Variants in SHPK observed in about 807,000 individuals in gnomAD.
The protein encoded by SHPK is sedoheptulokinase.
SHPK carries 51 observed loss-of-function variants against 46.3 expected under a neutral mutation model. The observed-to-expected ratio is 1.10, with a 90% CI of 0.88 to 1.39. SHPK has a LOEUF of 1.39. Among genes scored for constraint, SHPK ranks in the 40% most tolerant of loss-of-function variants. The pLI is 0.00. For missense variants in SHPK, 668 were observed against 641.3 expected (o/e 1.04, Z -0.45); for synonymous variants, 290 against 273.9 (o/e 1.06, Z -0.58).
At chr17:3,632,146 G>A (rs557300351) in intron 1 of SHPK, among the ~76,000 whole-genome samples, 3 of 151,920 alleles carry the variant, frequency 2.0e-5, no homozygotes, top group African/African-American at 4.8e-5. Flanking sequence ...TAGTAGAGAC[G>A]GGGTTTCACC....
chr17:3,624,834 C>T (rs2075423884), intron 2 of SHPK, among the ~76,000 whole-genome samples: 1 of 151,894 alleles, frequency 6.6e-6, no homozygotes, highest in Non-Finnish European at 1.5e-5. Context: ...TTTGGACTTT[C>T]AGTAGAGACA....
chr17:3,610,877 C>T lies in SHPK; in HGVS notation c.1120G>A (p.Gly374Arg). ...THLTITPTVL[G>R]ERHLPDQLAS... ...AGCTGGTCCGGCAGGTGCCTCTCCC[C>T]CAGCACTGTCGGGGTGATGGTCAGG... Residue 374 changes from glycine (G) to arginine (R), a missense_variant, in exon 7 of 7, where the codon GGG (glycine) becomes AGG (arginine). Gly to Arg is a moderately radical substitution (Grantham distance 125, BLOSUM62 -2). Transcript: ENST00000225519. The T allele has an allele frequency of 6.2e-7, 1 of 1,613,976 alleles. No individual in the cohort carries two copies. The highest frequency in any genetic ancestry group is 8.5e-7 in the Non-Finnish European group (1 of 1,180,004).
chr17:3,621,342 T>C lies in SHPK; in HGVS notation c.718A>G (p.Thr240Ala). ...IAEPGSVAGR[T>A]SHMWFEIPKG... ...GGGATTTCAAACCACATGTGGGAAG[T>C]TCTGCCCGCCACACTGCCAGGCTCG... Residue 240 changes from threonine to alanine, a missense_variant, in exon 5 of 7, where the codon ACT becomes GCT. Thr to Ala is a moderately conservative substitution (Grantham distance 58, BLOSUM62 0). Transcript: ENST00000225519. 1 of 1,614,128 alleles carries C rather than the reference T, an allele frequency of 6.2e-7. No homozygotes were observed. The highest frequency in any genetic ancestry group is 8.5e-7 in the Non-Finnish European group (1 of 1,180,020).
rs1327411427 is a variant in SHPK at position 3,623,387 on chromosome 17, G to A, written c.599C>T (p.Ala200Val). The A allele has an allele frequency of 1.9e-6, 3 of 1,614,068 alleles. No homozygotes were observed. Among genetic ancestry groups the A allele is most frequent in the Admixed American group, 1.7e-5 (1 of 60,012 alleles). The change falls in exon 4 of 7, where the codon GCC becomes GTC. Residue 200 changes from alanine (A) to valine (V), a missense_variant. Ala to Val is a moderately conservative substitution (Grantham distance 64). Transcript: ENST00000225519. ...PRPLMSDQNA[A>V]SWGYFNTQSQ... The stretch of plus-strand genomic sequence containing the variant: ...CTGCGTGTTGAAATAGCCCCAGCTG[G>A]CAGCATTCTGGTCGGACATCAGAGG...
chr17:3,625,271 T>G (rs1281328651), intron 2 of SHPK, among the ~76,000 whole-genome samples: 1 of 152,134 alleles, frequency 6.6e-6, no homozygotes, highest in Non-Finnish European at 1.5e-5. Context: ...CATTAAGAGG[T>G]GGCATCTGAA....
intron 3 of SHPK, 145 bp from the exon 4 acceptor site, chr17:3,623,636 G>C (rs576652444): frequency 1.2e-6 from 1 of 818,338 alleles, no homozygotes; most frequent in East Asian, 2.5e-5. Context: ...GTCCAGCTGG[G>C]TCCCTGGGAT....
At chr17:3,622,095 C>T (rs2075406891) in intron 4 of SHPK, among the ~76,000 whole-genome samples, 1 of 152,158 alleles carries the variant, frequency 6.6e-6, no homozygotes, top group Admixed American at 6.6e-5. Flanking sequence ...GGATTACAGG[C>T]CTGCACCACC....
At chr17:3,621,459 G>T (rs746328621) in intron 4 of SHPK, 47 bp from the exon 5 acceptor site, 1 of 1,544,118 alleles carries the variant, frequency 6.5e-7, no homozygotes, top group South Asian at 1.2e-5. Flanking sequence ...GTTAGGTTTC[G>T]GGAATTTAAG....
chr17:3,626,300 T>C (rs754449372), intron 2 of SHPK, among the ~76,000 whole-genome samples: 4 of 152,180 alleles, frequency 2.6e-5, no homozygotes, highest in Admixed American at 1.3e-4. Flanking sequence ...TTCTATCTTA[T>C]GTTGTCAATT....
chr17:3,635,993 G>T, intron 1 of SHPK, 59 bp downstream of exon 1: 1 of 1,462,018 alleles, frequency 6.8e-7, no homozygotes, highest in South Asian at 1.3e-5. Flanking sequence ...GCCTCCTGGG[G>T]TGGAAAAGGG....
Position 3,610,909 on chromosome 17 carries a change from T to C in SHPK, c.1088A>G (p.Asp363Gly), listed in dbSNP as rs749954918. 2.5e-6 allele frequency: 4 copies of C among 1,613,896 alleles called. No homozygotes were observed. The highest frequency in any genetic ancestry group is 1.1e-5 in the South Asian group (1 of 91,050). The change falls in exon 7 of 7, where the codon GAT becomes GGT. Residue 363 changes from aspartate (D) to glycine (G), a missense_variant. Asp to Gly is a moderately conservative substitution (Grantham distance 94). Transcript: ENST00000225519. Reference sequence around the variant, plus strand: ...TGTCGGGGTGATGGTCAGGTGGGTATCTCTCTGCTGCACAGCTGCCTGAAT... The same window carrying C: ...TGTCGGGGTGATGGTCAGGTGGGTACCTCTCTGCTGCACAGCTGCCTGAAT... ...RMIQAAVQQRDTHLTITPTVL... is the reference protein window; with the variant it reads ...RMIQAAVQQRGTHLTITPTVL...
At chr17:3,622,450 T>A in intron 4 of SHPK, 1 of 363,780 alleles carries the variant, frequency 2.7e-6, no homozygotes, top group Non-Finnish European at 3.8e-6. Flanking sequence ...CAAAGTCAAA[T>A]GCAGCAGGCT....
At chr17:3,632,971 CT>C (rs34873037) in intron 1 of SHPK, among the ~76,000 whole-genome samples, 23,839 of 82,114 alleles carry the variant, frequency 0.29, 1,788 homozygotes, top group Non-Finnish European at 0.34. Flanking sequence ...GCAGATATTA[CT>C]TTTTTTTTTT....
At chr17:3,623,837 A>G (rs1478419324) in intron 3 of SHPK, among the ~76,000 whole-genome samples, 2 of 152,128 alleles carry the variant, frequency 1.3e-5, no homozygotes, top group Non-Finnish European at 2.9e-5. Flanking sequence ...TCCTTTCCCT[A>G]TGTGGGTGGG....
chr17:3,633,181 A>T (rs1284341825), intron 1 of SHPK, among the ~76,000 whole-genome samples: 1 of 151,488 alleles, frequency 6.6e-6, no homozygotes, highest in East Asian at 1.9e-4. Context: ...GGGTTTCACC[A>T]TGTTGGCCAG....
chr17:3,614,741 G>A (rs1471414646), intron 6 of SHPK, among the ~76,000 whole-genome samples: 5 of 150,954 alleles, frequency 3.3e-5, no homozygotes, highest in African/African-American at 7.3e-5. Context: ...CCAGCTACTC[G>A]GAAGGCTGAG....
intron 5 of SHPK, among the ~76,000 whole-genome samples, chr17:3,620,671 C>G (rs2075395226): frequency 6.6e-6 from 1 of 152,042 alleles, no homozygotes; most frequent in Admixed American, 6.6e-5. Context: ...AAGCGATTCT[C>G]TGCCTCAGCC....
chr17:3,627,199 C>T (rs994757668), intron 2 of SHPK, among the ~76,000 whole-genome samples: 12 of 152,134 alleles, frequency 7.9e-5, no homozygotes, highest in Non-Finnish European at 1.2e-4. Flanking sequence ...CTATTCACTA[C>T]CAGATATTTT....
Position 3,624,191 on chromosome 17 carries a change from C to T in SHPK, c.351G>A (p.Glu117=), listed in dbSNP as rs754429785. The part of the protein sequence containing the change: ...WTEGGITPVF[E]PRAVSHLVTW... ...TGACCAGGTGGCTAACAGCTCGGGG[C>T]TCGAACACCGGGGTAATCCCTCCCT... Residue 117 remains glutamate, a synonymous_variant, in exon 3 of 7, where the codon GAG becomes GAA. Coordinates refer to ENST00000225519, the MANE Select transcript of SHPK (RefSeq NM_013276.4). 1 of 1,613,984 alleles carries T rather than the reference C, an allele frequency of 6.2e-7. No individual in the cohort carries two copies. Among genetic ancestry groups the T allele is most frequent in the Non-Finnish European group, 8.5e-7 (1 of 1,179,864 alleles).
Sources: gnomAD v4.1 joint callset for allele counts (sites outside exome capture counted in the v4.1 genomes callset) on GRCh38, gnomAD v4.1.1 for gene constraint, MANE v1.5 for transcripts, NCBI Gene and HGNC (gene_info 2026-07-23, HGNC 2026-07-21) for gene names.